The following RALYL variants were observed in gnomAD, a reference collection of about 807,000 sequenced individuals.
RALYL encodes the protein RALY RNA binding protein like.
In RALYL, 29 loss-of-function variants were observed where a neutral mutation model predicts 35.1. The observed-to-expected ratio is 0.83, with a 90% confidence interval of 0.61 to 1.13. The LOEUF is 1.13. Ranked by LOEUF, RALYL falls within the 50% of genes most tolerant of loss-of-function variation. RALYL has a pLI of 0.00. For missense variants in RALYL, 359 were observed against 360.4 expected, an observed-to-expected ratio of 1.00 and a Z score of 0.03; for synonymous variants, 120 against 127.6, an observed-to-expected ratio of 0.94 and a Z score of 0.40.
At chr8:84,337,816 C>A (rs1335502283) in intron 1 of RALYL, among the ~76,000 whole-genome samples, 1 of 151,962 alleles carries the variant, frequency 6.6e-6, no homozygotes, top group Non-Finnish European at 1.5e-5. Context: ...CTCAACTCAC[C>A]TTTTAAATGC....
chr8:84,758,584 G>A (rs1462915915), intron 2 of RALYL, among the ~76,000 whole-genome samples: 3 of 152,142 alleles, frequency 2.0e-5, no homozygotes, highest in African/African-American at 7.2e-5. Context: ...GTGGTTGCTG[G>A]TGGGCCCTGG....
intron 6 of RALYL, 30 bp from the exon 7 acceptor site, chr8:84,873,254 G>A (rs772486639): frequency 3.2e-5 from 42 of 1,295,172 alleles, no homozygotes; most frequent in Non-Finnish European, 4.3e-5. Flanking sequence ...TTGATGCTCT[G>A]TTGTTTTCTT....
chr8:84,526,170 G>T (rs1003912089), intron 1 of RALYL, among the ~76,000 whole-genome samples: 1 of 151,956 alleles, frequency 6.6e-6, no homozygotes, highest in Admixed American at 6.6e-5. Context: ...GGCCAGGCTA[G>T]TCTCAAACTC....
chr8:84,426,707 A>G (rs564752392), intron 1 of RALYL, among the ~76,000 whole-genome samples: 1 of 152,312 alleles, frequency 6.6e-6, no homozygotes, highest in South Asian at 2.1e-4. Context: ...CCAACAGATT[A>G]ATGAGCACCA....
intron 1 of RALYL, among the ~76,000 whole-genome samples, chr8:84,488,074 A>G (rs13251381): frequency 6.6e-6 from 1 of 152,104 alleles, no homozygotes; most frequent in Non-Finnish European, 1.5e-5. Context: ...TAGCATCCAT[A>G]CAAGGTAGAG....
chr8:84,893,597 C>T (rs559659867), intron 8 of RALYL, among the ~76,000 whole-genome samples: 2 of 152,096 alleles, frequency 1.3e-5, no homozygotes, highest in Non-Finnish European at 2.9e-5. Flanking sequence ...TGTTATGGAG[C>T]CTTAGGCTAA....
Position 84,252,772 on chromosome 8 carries a change from G to A in RALYL, c.-24+68348G>A, listed in dbSNP as rs116937050. On this transcript the variant is annotated intron_variant, in intron 1 of 8. Coordinates refer to ENST00000521268, the MANE Select transcript of RALYL (RefSeq NM_173848.7). ...AATCCCTGAAATAGGCCTAACTGTT[G>A]ATGGTTTTTAATTAAGTTGATGTAT... 1.2e-3 allele frequency among the ~76,000 whole-genome samples: 177 copies of A among 152,136 alleles called. 4 individuals are homozygous for A. Among genetic ancestry groups the A allele is most frequent in the South Asian group, 3.5e-3 (17 of 4,824 alleles).
At chr8:84,236,646 G>T (rs749205094) in intron 1 of RALYL, among the ~76,000 whole-genome samples, 1 of 152,178 alleles carries the variant, frequency 6.6e-6, no homozygotes, top group Non-Finnish European at 1.5e-5. Flanking sequence ...AGATTGCTCT[G>T]TGTGTGCCAG....
intron 1 of RALYL, among the ~76,000 whole-genome samples, chr8:84,374,009 GGTT>G (rs1856442328): frequency 6.6e-6 from 1 of 151,930 alleles, no homozygotes; most frequent in Non-Finnish European, 1.5e-5. Flanking sequence ...ATATGAGCTT[GGTT>G]GTTGTTAGTC....
At chr8:84,411,845 C>G (rs779446674) in intron 1 of RALYL, among the ~76,000 whole-genome samples, 2 of 151,958 alleles carry the variant, frequency 1.3e-5, no homozygotes, top group African/African-American at 2.4e-5. Flanking sequence ...AGCAAAGGGG[C>G]AGGGGCCAGA....
intron 2 of RALYL, among the ~76,000 whole-genome samples, chr8:84,607,174 C>A (rs1437593706): frequency 6.6e-6 from 1 of 151,782 alleles, no homozygotes; most frequent in Non-Finnish European, 1.5e-5. Context: ...TCTCTTTTCC[C>A]CCCCCTTTTC....
intron 1 of RALYL, among the ~76,000 whole-genome samples, chr8:84,425,052 C>A (rs530100134): frequency 2.0e-5 from 3 of 152,192 alleles, no homozygotes; most frequent in African/African-American, 7.2e-5. Flanking sequence ...GGCAGGCAGA[C>A]CTCCTTGAGC....
At chr8:84,468,466 T>C (rs999106089) in intron 1 of RALYL, among the ~76,000 whole-genome samples, 11 of 148,790 alleles carry the variant, frequency 7.4e-5, no homozygotes, top group Admixed American at 2.7e-4. Context: ...ATGTTGAACA[T>C]TGGCCCCCAC....
chr8:84,801,813 A>G (rs760720736), intron 3 of RALYL, among the ~76,000 whole-genome samples: 5 of 152,214 alleles, frequency 3.3e-5, no homozygotes, highest in African/African-American at 4.8e-5. Context: ...TTTGGGTACC[A>G]TCTTCTTATG....
At chr8:84,834,552 CCTT>C (rs1371422578) in intron 4 of RALYL, among the ~76,000 whole-genome samples, 12 of 152,232 alleles carry the variant, frequency 7.9e-5, no homozygotes, top group African/African-American at 9.6e-5. Context: ...AAAAGAAGCT[CCTT>C]CTTCTTCTAT....
chr8:84,491,949 A>G (rs955214047), intron 1 of RALYL, among the ~76,000 whole-genome samples: 5 of 151,996 alleles, frequency 3.3e-5, no homozygotes, highest in African/African-American at 1.2e-4. Context: ...GAAATACAGC[A>G]AGTGATGGGC....
chr8:84,582,759 C>T (rs1811118487), intron 2 of RALYL, among the ~76,000 whole-genome samples: 1 of 151,996 alleles, frequency 6.6e-6, no homozygotes, highest in Non-Finnish European at 1.5e-5. Flanking sequence ...AGGCATGCTA[C>T]AGACCCCTTC....
intron 1 of RALYL, among the ~76,000 whole-genome samples, chr8:84,416,572 T>A (rs2132280793): frequency 6.6e-6 from 1 of 152,328 alleles, no homozygotes; most frequent in Non-Finnish European, 1.5e-5. Context: ...TGAAACCTTT[T>A]TTTTTCATGT....
At chr8:84,561,908 C>T (rs990994474) in intron 2 of RALYL, among the ~76,000 whole-genome samples, 2 of 151,956 alleles carry the variant, frequency 1.3e-5, no homozygotes, top group African/African-American at 4.8e-5. Flanking sequence ...CAGTTGACCT[C>T]CAGGTACTTT....
Sources: allele counts gnomAD v4.1 joint callset (sites outside exome capture counted in the v4.1 genomes callset), GRCh38; gene constraint gnomAD v4.1.1; transcripts MANE v1.5; gene names NCBI Gene and HGNC (gene_info 2026-07-23, HGNC 2026-07-21).